The following ZFYVE28 variants were observed in gnomAD, a reference collection of about 807,000 sequenced individuals.
ZFYVE28 encodes the protein zinc finger FYVE-type containing 28.
Under a neutral mutation model 82.1 loss-of-function variants are expected in ZFYVE28, and 40 were observed. The observed-to-expected ratio is 0.49, with a 90% CI of 0.38 to 0.63. The LOEUF (loss-of-function observed/expected upper bound fraction) is 0.63, where lower values mean the gene tolerates loss of function less well. ZFYVE28 is among the 30% of genes least tolerant of loss of function. ZFYVE28 has a pLI of 0.00. For synonymous variants in ZFYVE28, 612 were observed against 546.1 expected, an observed-to-expected ratio of 1.12 and a Z score of -1.68; for missense variants, 1,321 against 1,242.1, an observed-to-expected ratio of 1.06 and a Z score of -0.96.
At chr4:2,392,460 A>C (rs991556184) in intron 1 of ZFYVE28, among the ~76,000 whole-genome samples, 1 of 152,208 alleles carries the variant, frequency 6.6e-6, no homozygotes, top group African/African-American at 2.4e-5. Context: ...AGAAAAGTAC[A>C]ATCATGTTAC....
Position 2,300,289 on chromosome 4 carries a change from C to T in ZFYVE28, c.2051+4000G>A, listed in dbSNP as rs113740307. Among the ~76,000 whole-genome samples the T allele has an allele frequency of 0.022, 3,351 of 152,130 alleles. 66 individuals carry two copies. Among genetic ancestry groups the T allele is most frequent in the East Asian group, 0.076 (395 of 5,178 alleles). Reference sequence around the variant, plus strand: ...GACAAGTAACTTCCAAGGGTGACTTCGAGAGGACGGAAGGTTCTGGATCAA... The same window carrying T: ...GACAAGTAACTTCCAAGGGTGACTTTGAGAGGACGGAAGGTTCTGGATCAA... On this transcript the variant is annotated intron_variant, in intron 8 of 12. Coordinates refer to ENST00000290974, the MANE Select transcript of ZFYVE28 (RefSeq NM_020972.3). The surrounding 1 kb of genome is among the most constrained non-coding windows in gnomAD (Gnocchi z 4.6).
intron 1 of ZFYVE28, among the ~76,000 whole-genome samples, chr4:2,381,959 C>T (rs1049681737): frequency 6.6e-6 from 1 of 152,216 alleles, no homozygotes; most frequent in Non-Finnish European, 1.5e-5. Flanking sequence ...CCCTGTGTCC[C>T]AGCTGCTCCA....
intron 8 of ZFYVE28, chr4:2,285,636 G>GCA (rs1712618171): frequency 6.6e-6 from 1 of 152,320 alleles, no homozygotes; most frequent in Non-Finnish European, 1.5e-5. Flanking sequence ...CCTGGGTTGA[G>GCA]CACAGGCTGG....
rs1380501593 is a variant in ZFYVE28, at chr4:2,341,240, C to T, written c.318+238G>A. ...GGGCCTGTGAACCTCATAAAAACCA[C>T]ATGGGAAATTTCATTTGTATGTATA... On this transcript the variant is annotated intron_variant, in intron 3 of 12. Coordinates refer to ENST00000290974, the MANE Select transcript of ZFYVE28 (RefSeq NM_020972.3). This position sits in a 1 kb window ranked among gnomAD's most constrained non-coding sequence, Gnocchi z 4.5. 2.2e-5 allele frequency: 13 copies of T among 597,502 alleles called. No homozygotes were observed. The highest frequency in any genetic ancestry group is 4.5e-4 in the Middle Eastern group (1 of 2,198). The allele number at this position is 597,502 out of a possible 1,614,324, so 37.0% of individuals were successfully genotyped here. A position where few individuals can be genotyped will look rare whatever the true frequency, so the allele number is the denominator to read the frequency against.
chr4:2,404,579 A>G (rs1010270606), intron 1 of ZFYVE28, among the ~76,000 whole-genome samples: 1 of 152,242 alleles, frequency 6.6e-6, no homozygotes, highest in African/African-American at 2.4e-5. Context: ...AGCCAGACAC[A>G]AAAGGCCCCA....
chr4:2,301,299 A>G (rs1715482054), intron 8 of ZFYVE28, among the ~76,000 whole-genome samples: 1 of 152,136 alleles, frequency 6.6e-6, no homozygotes, highest in African/African-American at 2.4e-5. Context: ...TGTGCCTTGG[A>G]TGGGACAGCT....
In ZFYVE28 at chr4:2,271,307, C is replaced by T. The variant is rs764031188; in HGVS notation, c.2532+4G>A. 6 of 1,612,238 alleles carry T rather than the reference C, an allele frequency of 3.7e-6. No homozygotes were observed. The Admixed American group carries it at 5.0e-5, about 13-fold the overall frequency. On this transcript the variant is annotated splice_donor_region_variant and intron_variant, in intron 12 of 12. Coordinates refer to ENST00000290974, the MANE Select transcript of ZFYVE28 (RefSeq NM_020972.3). Reference sequence around the variant, plus strand: ...GGACCCTCCGTGCAAGGGGTCTCACCCACCTTCCCACAGCTGCGGCAGTGG... The same window carrying T: ...GGACCCTCCGTGCAAGGGGTCTCACTCACCTTCCCACAGCTGCGGCAGTGG...
intron 1 of ZFYVE28, among the ~76,000 whole-genome samples, chr4:2,375,806 T>A (rs1362795895): frequency 1.3e-5 from 2 of 152,200 alleles, no homozygotes; most frequent in Non-Finnish European, 2.9e-5. Context: ...GATTTCAGAG[T>A]TCACCATGAA....
intron 1 of ZFYVE28, among the ~76,000 whole-genome samples, chr4:2,399,026 A>C (rs916387559): frequency 3.7e-5 from 4 of 107,116 alleles, no homozygotes; most frequent in Admixed American, 1.1e-4. Context: ...TCTAGGGCAC[A>C]AGGTGGGGTG....
At chr4:2,345,718 T>C (rs1427983379) in intron 2 of ZFYVE28, among the ~76,000 whole-genome samples, 1 of 151,418 alleles carries the variant, frequency 6.6e-6, no homozygotes, top group East Asian at 2.0e-4. Context: ...AGACACGTTT[T>C]TAAAAACTAT....
At chr4:2,352,637 C>A (rs1724651292) in intron 2 of ZFYVE28, among the ~76,000 whole-genome samples, 2 of 152,118 alleles carry the variant, frequency 1.3e-5, no homozygotes, top group Non-Finnish European at 2.9e-5. Flanking sequence ...CTGGGAGCAT[C>A]CCCCTCCAGA....
chr4:2,381,198 T>C (rs986939701), intron 1 of ZFYVE28, among the ~76,000 whole-genome samples: 6 of 152,178 alleles, frequency 3.9e-5, no homozygotes, highest in South Asian at 2.1e-4. Flanking sequence ...ACCCTTGTTA[T>C]GTTTTAGCGA....
intron 1 of ZFYVE28, among the ~76,000 whole-genome samples, chr4:2,359,324 C>T (rs1725795313): frequency 1.3e-5 from 2 of 152,042 alleles, no homozygotes; most frequent in South Asian, 4.1e-4. Context: ...CGGGGTCTTG[C>T]CATGTTGCCC....
At chr4:2,308,677 G>GAAAGAAAGAGAA (rs1176221450) in intron 7 of ZFYVE28, among the ~76,000 whole-genome samples, 1 of 76,490 alleles carries the variant, frequency 1.3e-5, no homozygotes, top group Non-Finnish European at 2.5e-5. Context: ...AAGAAAGAAA[G>GAAAGAAAGAGAA]AGAAAGAAAG....
At chr4:2,279,623 CA>C (rs954743209) in intron 8 of ZFYVE28, among the ~76,000 whole-genome samples, 24 of 151,228 alleles carry the variant, frequency 1.6e-4, no homozygotes, top group South Asian at 2.1e-4. Context: ...ACTAAAAATA[CA>C]AAAAAAATTA....
chr4:2,351,153 TTC>T (rs759855571), intron 2 of ZFYVE28, among the ~76,000 whole-genome samples: 4 of 151,920 alleles, frequency 2.6e-5, no homozygotes, highest in Admixed American at 6.5e-5. Context: ...ACCCTGTGGG[TTC>T]TGAGGTCACT....
At position 2,290,177 on chromosome 4, in the gene ZFYVE28, C is replaced by T. The variant is rs771818076; in HGVS notation, c.2051+14112G>A. Among the ~76,000 whole-genome samples the T allele has an allele frequency of 5.3e-5, 8 of 152,298 alleles. No homozygotes were observed. In the East Asian group the frequency reaches 9.7e-4, roughly 18 times the overall value. On this transcript the variant is annotated intron_variant, in intron 8 of 12. Coordinates refer to ENST00000290974, the MANE Select transcript of ZFYVE28 (RefSeq NM_020972.3). ...GCAAGATCTCCTCAGGGGACAAGGC[C>T]GCCCATGCTGGCAACCCGGAGCCCA...
In ZFYVE28 at chr4:2,402,359, C is replaced by T. The variant is rs61586852; in HGVS notation, c.39+15926G>A. On this transcript the variant is annotated intron_variant, in intron 1 of 12. Coordinates refer to ENST00000290974, the MANE Select transcript of ZFYVE28 (RefSeq NM_020972.3). ...GCCCCCGCCATCAGACACCATCTCC[C>T]GCCCCGCCCGCTGCAGGAGCAGAAG... Among the ~76,000 whole-genome samples the T allele has an allele frequency of 4.9e-3, 749 of 152,298 alleles. 8 individuals are homozygous for T. Among genetic ancestry groups the T allele is most frequent in the African/African-American group, 0.017 (717 of 41,562 alleles).
At chr4:2,336,756 T>TGAGGTGAGGGGTGAG (rs1721780850) in intron 5 of ZFYVE28, among the ~76,000 whole-genome samples, 2 of 97,422 alleles carry the variant, frequency 2.1e-5, no homozygotes, top group African/African-American at 7.3e-5. Context: ...TGAGGAATGA[T>TGAGGTGAGGGGTGAG]GAGGTGAGGA....
Sources: gnomAD v4.1 joint callset for allele counts (sites outside exome capture counted in the v4.1 genomes callset) on GRCh38, gnomAD v4.1.1 for gene constraint, Gnocchi (gnomAD v3.1) non-coding constraint, MANE v1.5 for transcripts, NCBI Gene and HGNC (gene_info 2026-07-23, HGNC 2026-07-21) for gene names.